Variants in L3MBTL1 observed in about 807,000 individuals in gnomAD.
L3MBTL1 encodes lethal(3)malignant brain tumor-like protein 1.
A neutral mutation model predicts 105.3 loss-of-function variants in L3MBTL1; 75 were observed. That is an observed-to-expected ratio of 0.71 (90% confidence interval 0.59 to 0.86). The LOEUF is 0.86. Among genes scored for constraint, L3MBTL1 ranks in the 40% least tolerant of loss-of-function variants. The probability of loss-of-function intolerance (pLI) is 0.00; values close to 1 mark genes in which losing one functional copy is unlikely to be tolerated. For synonymous variants in L3MBTL1, 452 were observed against 436.2 expected (o/e 1.04, Z -0.45); for missense variants, 1,069 against 1,126.4 (o/e 0.95, Z 0.73).
At chr20:43,538,427 G>T (rs1052393178) in intron 19 of L3MBTL1, among the ~76,000 whole-genome samples, 10 of 152,202 alleles carry the variant, frequency 6.6e-5, no homozygotes, top group Non-Finnish European at 1.2e-4. Context: ...CATTGCCCAG[G>T]TCTCACTTCC....
intron 9 of L3MBTL1, 42 bp from the exon 10 acceptor site, chr20:43,530,242 A>T (rs1413891396): frequency 6.2e-7 from 1 of 1,612,804 alleles, no homozygotes; most frequent in Admixed American, 1.7e-5. Flanking sequence ...GGAGTGGGGC[A>T]TCTCCTGACA....
chr20:43,548,333 C>T lies in L3MBTL1; in HGVS notation c.*88C>T, dbSNP rs554942310. ...TTCCTGACCTGAATTCCTCATACCC[C>T]ACACGTCCCCATGCTCCACCTATAT... On this transcript the variant is annotated 3_prime_UTR_variant, in exon 19 of 19. Transcript: ENST00000422861. The T allele has an allele frequency of 2.4e-4, 271 of 1,123,886 alleles. 3 individuals carry two copies. Among genetic ancestry groups the T allele is most frequent in the South Asian group, 5.9e-4 (43 of 72,484 alleles). 69.6% of individuals were successfully genotyped at this position (1,123,886 alleles called of 1,614,324 possible).
At position 43,515,076 on chromosome 20, in the gene L3MBTL1, G is replaced by A. The variant is rs774612632; in HGVS notation, c.570G>A (p.Gln190=). ...CCCCAGAGGATGATAGCACCTGTCA[G>A]TGCCAGGCGTGCGGGCCTCACCAAG... ...QDPPEDDSTC[Q]CQACGPHQAA... is the part of the protein sequence containing the mutation. Residue 190 remains glutamine (Q), a synonymous_variant, in exon 5 of 22, where the codon CAG becomes CAA. Coordinates refer to ENST00000418998, the MANE Select transcript of L3MBTL1 (RefSeq NM_001377303.1). 1 of 1,614,056 alleles carries A rather than the reference G, an allele frequency of 6.2e-7. No homozygotes were observed. Among genetic ancestry groups the A allele is most frequent in the African/African-American group, 1.3e-5 (1 of 74,926 alleles).
At chr20:43,533,920 C>T (rs2019469088) in intron 13 of L3MBTL1, 88 bp from the exon 14 acceptor site, 1 of 908,826 alleles carries the variant, frequency 1.1e-6, no homozygotes, top group Admixed American at 1.8e-5. Flanking sequence ...GGGCTTCTGT[C>T]CCTTCCATGT....
intron 7 of L3MBTL1, among the ~76,000 whole-genome samples, chr20:43,519,085 C>G (rs933833762): frequency 6.6e-6 from 1 of 151,742 alleles, no homozygotes; most frequent in African/African-American, 2.4e-5. Flanking sequence ...CCCTGTAATC[C>G]CAGCACTTTG....
intron 12 of L3MBTL1, 65 bp downstream of exon 12, chr20:43,532,989 A>G (rs974725376): frequency 1.9e-6 from 3 of 1,540,176 alleles, no homozygotes; most frequent in Non-Finnish European, 1.8e-6. Flanking sequence ...CTGCTTTCAT[A>G]TCTCAGGTAC....
At position 43,536,314 on chromosome 20, in the gene L3MBTL1, A is replaced by G. The variant is rs763810791; in HGVS notation, c.2123+20A>G. The G allele has an allele frequency of 1.9e-6, 3 of 1,612,110 alleles. No homozygotes were observed. The highest frequency in any genetic ancestry group is 2.5e-6 in the Non-Finnish European group (3 of 1,178,944). On this transcript the variant is annotated intron_variant, in intron 18 of 21. Transcript: ENST00000418998. ...CGGCCGGTATGGAGGCCAGGGAATC[A>G]GGGCCCGGGCTTCCTGGGGGTGTGG...
chr20:43,542,533 A>G (rs1297073964), downstream of L3MBTL1, among the ~76,000 whole-genome samples: 3 of 150,580 alleles, frequency 2.0e-5, no homozygotes, highest in Non-Finnish European at 2.9e-5. Flanking sequence ...GTTTTATGAC[A>G]TGTCTGCCCT....
At chr20:43,550,493 G>T (rs1978906464) in exon 19 of L3MBTL1, 1 of 152,196 alleles carries the variant, frequency 6.6e-6, no homozygotes, top group Non-Finnish European at 1.5e-5. Flanking sequence ...TCTGCCTCTT[G>T]TCTGCCCTAC....
downstream of L3MBTL1, among the ~76,000 whole-genome samples, chr20:43,545,515 T>A (rs2145505177): frequency 6.6e-6 from 1 of 152,170 alleles, no homozygotes; most frequent in African/African-American, 2.4e-5. Flanking sequence ...CCACTTGGCA[T>A]CCCCCTCACA....
chr20:43,529,271 C>A lies in L3MBTL1; in HGVS notation c.959C>A (p.Ala320Glu). The change falls in exon 9 of 22, where the codon GCA becomes GAA. Residue 320 changes from alanine to glutamate, a missense_variant. Coordinates refer to ENST00000418998, the MANE Select transcript of L3MBTL1 (RefSeq NM_001377303.1). ...APVSLFQDSQ[A>E]VTHNKNGFKL... ...CACTCTGTGCGTTGACAGTCCCAGG[C>A]AGTCACTCACAACAAGAATGGCTTC... is the stretch of plus-strand genomic sequence containing the variant. 2.5e-6 allele frequency: 4 copies of A among 1,609,920 alleles called. No individual in the cohort carries two copies. Among genetic ancestry groups the A allele is most frequent in the Non-Finnish European group, 3.4e-6 (4 of 1,177,784 alleles).
At chr20:43,536,357 G>A in intron 18 of L3MBTL1, 52 bp from the exon 19 acceptor site, 13 of 1,613,170 alleles carry the variant, frequency 8.1e-6, no homozygotes, top group Non-Finnish European at 1.1e-5. Context: ...TAGCCTCTTG[G>A]ACTGGGCCAG....
chr20:43,527,346 G>A (rs1461565896), intron 7 of L3MBTL1, among the ~76,000 whole-genome samples: 2 of 152,230 alleles, frequency 1.3e-5, no homozygotes, highest in East Asian at 3.8e-4. Flanking sequence ...GCCTTCGACT[G>A]GAGGCAGCTC....
At chr20:43,509,129 G>A (rs981472518) in intron 1 of L3MBTL1, among the ~76,000 whole-genome samples, 1 of 151,838 alleles carries the variant, frequency 6.6e-6, no homozygotes, top group African/African-American at 2.4e-5. Context: ...TATAAATGTG[G>A]GTGTGCTCCA....
At chr20:43,514,886 G>A in intron 4 of L3MBTL1, 110 bp downstream of exon 4, 3 of 1,457,336 alleles carry the variant, frequency 2.1e-6, no homozygotes, top group East Asian at 4.9e-5. Flanking sequence ...GGTGGAGAAG[G>A]CTGGAGGAGG....
At chr20:43,525,024 A>G (rs973007265) in intron 7 of L3MBTL1, among the ~76,000 whole-genome samples, 1 of 152,162 alleles carries the variant, frequency 6.6e-6, no homozygotes, top group Non-Finnish European at 1.5e-5. Context: ...GACTAGGCTC[A>G]AAGCAAGGAC....
rs1568924916 is a variant in L3MBTL1 at position 43,530,865 on chromosome 20, G to A, written c.1260G>A (p.Lys420=). The change falls in exon 11 of 22, where the codon AAG becomes AAA. Residue 420 remains lysine (K), a synonymous_variant. Coordinates refer to ENST00000418998, the MANE Select transcript of L3MBTL1 (RefSeq NM_001377303.1). ...GCACAAGAGCTCAGGCTGCCCCCAA[G>A]CACCTGTTTGTGAGCCAGAGCCACG... is the stretch of plus-strand genomic sequence containing the variant. ...LRSTRAQAAP[K]HLFVSQSHSP... is the part of the protein sequence containing the mutation. The A allele has an allele frequency of 6.2e-7, 1 of 1,614,028 alleles. No homozygotes were observed. The highest frequency in any genetic ancestry group is 8.5e-7 in the Non-Finnish European group (1 of 1,179,948).
chr20:43,550,583 A>G (rs1978913464), exon 19 of L3MBTL1: 1 of 152,248 alleles, frequency 6.6e-6, no homozygotes, highest in East Asian at 1.9e-4. Flanking sequence ...GGGAGTTGGC[A>G]GAGACTTCTG....
chr20:43,532,788 G>A lies in L3MBTL1; in HGVS notation c.1300G>A (p.Gly434Ser). The A allele has an allele frequency of 6.2e-7, 1 of 1,614,190 alleles. No individual in the cohort carries two copies. Among genetic ancestry groups the A allele is most frequent in the Non-Finnish European group, 8.5e-7 (1 of 1,180,022 alleles). Residue 434 changes from glycine to serine, a missense_variant, in exon 12 of 22, where the codon GGC (glycine) becomes AGC (serine). Physicochemically the swap from Gly to Ser is moderately conservative, Grantham distance 56 (BLOSUM62 0). Transcript: ENST00000418998. ...VSQSHSPPPL[G>S]FQVGMKLEAV... Reference sequence around the variant, plus strand: ...TTTCCCCTAGAGTCCCCCACCCCTGGGCTTCCAGGTGGGCATGAAGCTGGA... The same window carrying A: ...TTTCCCCTAGAGTCCCCCACCCCTGAGCTTCCAGGTGGGCATGAAGCTGGA...
Sources: gnomAD v4.1 joint callset for allele counts (sites outside exome capture counted in the v4.1 genomes callset) on GRCh38, gnomAD v4.1.1 for gene constraint, MANE v1.5 for transcripts, NCBI Gene and HGNC (gene_info 2026-07-23, HGNC 2026-07-21) for gene names.